Variants in SCRN1 observed in about 807,000 individuals in gnomAD.
SCRN1 encodes the protein secernin 1.
SCRN1 carries 19 observed loss-of-function variants against 43.3 expected under a neutral mutation model. The ratio of observed to expected loss-of-function variants is 0.44; its 90% confidence interval spans 0.31 to 0.64. The LOEUF is 0.64. Among genes scored for constraint, SCRN1 ranks in the 30% least tolerant of loss-of-function variants. SCRN1 has a pLI of 0.09. For synonymous variants in SCRN1, 183 were observed against 188.9 expected (o/e 0.97, Z 0.26); for missense variants, 447 against 524.1 (o/e 0.85, Z 1.44).
At chr7:29,961,529 T>G (rs528946924) in intron 2 of SCRN1, among the ~76,000 whole-genome samples, 121 of 149,968 alleles carry the variant, frequency 8.1e-4, no homozygotes, top group African/African-American at 2.8e-3. Context: ...TTTCCCGCCT[T>G]TCTATTCCAC....
intron 3 of SCRN1, among the ~76,000 whole-genome samples, chr7:29,948,037 C>T (rs1173447071): frequency 6.6e-6 from 1 of 152,168 alleles, no homozygotes; most frequent in African/African-American, 2.4e-5. Context: ...TTTGTTATAG[C>T]AGCCCAAATG....
rs1440834219 is a variant in SCRN1, at chr7:29,968,755, G to A, written c.159+154C>T. On this transcript the variant is annotated intron_variant, in intron 2 of 7. Transcript: ENST00000242059. ...GCTCTCCCATGACCTTGTTTTCAAG[G>A]CTATGAGCAAACCTGCATGGAAACA... Among the ~76,000 whole-genome samples the A allele has an allele frequency of 2.0e-5, 3 of 152,130 alleles. 1 individual carries two copies. Among genetic ancestry groups the A allele is most frequent in the East Asian group, 3.9e-4 (2 of 5,194 alleles).
At chr7:29,934,260 A>C (rs575366019) in intron 6 of SCRN1, among the ~76,000 whole-genome samples, 14 of 152,230 alleles carry the variant, frequency 9.2e-5, no homozygotes, top group Non-Finnish European at 2.1e-4. Flanking sequence ...TAACTATCAG[A>C]AGGCTATTGC....
In SCRN1 at chr7:29,968,893, G is replaced by A. The variant is rs1291656803; in HGVS notation, c.159+16C>T. The A allele has an allele frequency of 1.2e-6, 2 of 1,613,962 alleles. No homozygotes were observed. The stretch of plus-strand genomic sequence containing the variant: ...AAAAGAGAGTGTGACTCGCGAGACT[G>A]CAATGCACGGCTTACCTCAACCTTG... On this transcript the variant is annotated intron_variant, in intron 2 of 7. Transcript: ENST00000242059.
chr7:29,955,313 CATT>C lies in SCRN1; in HGVS notation c.204_206del (p.Ile68del). 1 of 1,614,194 alleles carries C rather than the reference CATT, an allele frequency of 6.2e-7. No individual in the cohort carries two copies. Among genetic ancestry groups the C allele is most frequent in the Non-Finnish European group, 8.5e-7 (1 of 1,180,038 alleles). On this transcript the variant is annotated inframe_deletion, in exon 3 of 8. Coordinates refer to ENST00000242059, the MANE Select transcript of SCRN1 (RefSeq NM_014766.5). ...CCCAGAGCCAGGCGGGTCTGCTTATCATTATGGCATAGGTCCTTGGAACTTGGT... is the reference window on the plus strand; with the variant it reads ...CCCAGAGCCAGGCGGGTCTGCTTATCATGGCATAGGTCCTTGGAACTTGGT...
chr7:29,942,140 A>T (rs1433560721), intron 4 of SCRN1, among the ~76,000 whole-genome samples: 1 of 152,246 alleles, frequency 6.6e-6, no homozygotes, highest in African/African-American at 2.4e-5. Context: ...GTTTTGGCCT[A>T]AACAAGTGAT....
intron 2 of SCRN1, among the ~76,000 whole-genome samples, chr7:29,961,753 T>C (rs3926145): frequency 0.19 from 27,277 of 143,810 alleles, 2,647 homozygotes; most frequent in African/African-American, 0.26. Context: ...ACCTCCCGGA[T>C]GGGGCGGCTG....
chr7:29,983,409 A>C (rs1789053802), intron 1 of SCRN1, among the ~76,000 whole-genome samples: 1 of 151,946 alleles, frequency 6.6e-6, no homozygotes, highest in African/African-American at 2.4e-5. Context: ...ATATGTAACT[A>C]ACCTGCACAA....
At chr7:29,981,182 T>TA (rs751324832) in intron 1 of SCRN1, among the ~76,000 whole-genome samples, 1,848 of 132,792 alleles carry the variant, frequency 0.014, 32 homozygotes, top group African/African-American at 0.041. Context: ...CTAAGTGCAA[T>TA]AAAAAAAAAA....
chr7:29,942,309 C>A (rs1787583534), intron 4 of SCRN1, among the ~76,000 whole-genome samples: 1 of 152,232 alleles, frequency 6.6e-6, no homozygotes, highest in Non-Finnish European at 1.5e-5. Context: ...ATCCATCACA[C>A]CGCTGCTGGG....
chr7:29,986,817 C>T (rs1390701780), intron 1 of SCRN1, among the ~76,000 whole-genome samples: 4 of 150,234 alleles, frequency 2.7e-5, no homozygotes, highest in African/African-American at 7.4e-5. Context: ...CTCCGCCTCC[C>T]GGGTTCAAGC....
rs545865362 is a variant in SCRN1, at chr7:29,977,337, T to A, written c.-1-8269A>T. ...TCCAGAAAAGCAAAGGAGAAATTAT[T>A]ATACTCTTCATTAATAAATTCATTT... On this transcript the variant is annotated intron_variant, in intron 1 of 7. Coordinates refer to ENST00000242059, the MANE Select transcript of SCRN1 (RefSeq NM_014766.5). Among the ~76,000 whole-genome samples, 205 of 152,358 alleles carry A rather than the reference T, an allele frequency of 1.3e-3. 1 individual carries two copies. Among genetic ancestry groups the A allele is most frequent in the African/African-American group, 4.7e-3 (197 of 41,580 alleles).
intron 1 of SCRN1, among the ~76,000 whole-genome samples, chr7:29,981,892 T>C (rs1702559571): frequency 6.6e-6 from 1 of 152,162 alleles, no homozygotes; most frequent in African/African-American, 2.4e-5. Context: ...GAGAAGAACA[T>C]TCCATAGAAG....
At chr7:29,973,705 T>C (rs551056711) in intron 1 of SCRN1, among the ~76,000 whole-genome samples, 1 of 152,306 alleles carries the variant, frequency 6.6e-6, no homozygotes, top group South Asian at 2.1e-4. Context: ...ATCAAAGAAG[T>C]TGCCTGTGAT....
rs1786731847 is a variant in SCRN1, at chr7:29,920,851, A to T, written c.*3106T>A. The T allele has an allele frequency of 6.6e-6, 1 of 152,240 alleles. No individual in the cohort carries two copies. Among genetic ancestry groups the T allele is most frequent in the South Asian group, 2.1e-4 (1 of 4,826 alleles). 9.4% of individuals were successfully genotyped at this position (152,240 alleles called of 1,614,324 possible). Reference sequence around the variant, plus strand: ...AAAGGAACCCCACAGCTAAGGTCTAACAGGCATATACCTGCTCTGTTAGTT... The same window carrying T: ...AAAGGAACCCCACAGCTAAGGTCTATCAGGCATATACCTGCTCTGTTAGTT... On this transcript the variant is annotated 3_prime_UTR_variant, in exon 8 of 8. Coordinates refer to ENST00000242059, the MANE Select transcript of SCRN1 (RefSeq NM_014766.5).
At chr7:29,949,265 A>C (rs1197954621) in intron 3 of SCRN1, among the ~76,000 whole-genome samples, 1 of 147,770 alleles carries the variant, frequency 6.8e-6, no homozygotes, top group Non-Finnish European at 1.5e-5. Flanking sequence ...CAGTGAGCCG[A>C]GATGGTGCCA....
chr7:29,952,072 A>G (rs2128093174), intron 3 of SCRN1, among the ~76,000 whole-genome samples: 1 of 152,364 alleles, frequency 6.6e-6, no homozygotes, highest in South Asian at 2.1e-4. Context: ...GGTTCCTCAC[A>G]CAGCAATACC....
chr7:29,945,658 G>A (rs997648239), intron 3 of SCRN1, among the ~76,000 whole-genome samples: 1 of 152,138 alleles, frequency 6.6e-6, no homozygotes, highest in African/African-American at 2.4e-5. Flanking sequence ...AGAGATAAAT[G>A]GACCCAGCTT....
chr7:29,979,652 T>C (rs992587802), intron 1 of SCRN1, among the ~76,000 whole-genome samples: 3 of 152,218 alleles, frequency 2.0e-5, no homozygotes, highest in African/African-American at 7.2e-5. Flanking sequence ...ATTCAAAATA[T>C]GATCCCACTT....
Sources: gnomAD v4.1 joint callset for allele counts (sites outside exome capture counted in the v4.1 genomes callset) on GRCh38, gnomAD v4.1.1 for gene constraint, MANE v1.5 for transcripts, NCBI Gene and HGNC (gene_info 2026-07-23, HGNC 2026-07-21) for gene names.